Variants in RAD51AP2 observed in about 807,000 individuals in gnomAD.
RAD51AP2 encodes the protein RAD51 associated protein 2.
A neutral mutation model predicts 85.5 loss-of-function variants in RAD51AP2; 67 were observed. That is an observed-to-expected ratio of 0.78 (90% CI 0.64 to 0.96). RAD51AP2 has a LOEUF of 0.96. Ranked by LOEUF, RAD51AP2 falls within the 40% of genes least tolerant of loss-of-function variation. RAD51AP2 has a pLI of 0.00. For missense variants in RAD51AP2, 1,307 were observed against 1,332.4 expected, an observed-to-expected ratio of 0.98 and a Z score of 0.30; for synonymous variants, 474 against 446.5, an observed-to-expected ratio of 1.06 and a Z score of -0.78.
At chr2:17,535,134 G>T in the RAD51AP2 span, among the ~76,000 whole-genome samples, 2 of 152,176 alleles carry the variant, frequency 1.3e-5, no homozygotes, top group Admixed American at 1.3e-4. Context: ...GGTAGGAAAA[G>T]ATTCTTCTGC....
chr2:17,515,103 G>T, intron 1 of RAD51AP2, 66 bp downstream of exon 1: 1 of 1,264,804 alleles, frequency 7.9e-7, no homozygotes, highest in Non-Finnish European at 1.1e-6. Flanking sequence ...TATACATTTG[G>T]CCTACACAGA....
chr2:17,536,940 G>A, the RAD51AP2 span, among the ~76,000 whole-genome samples: 40 of 152,110 alleles, frequency 2.6e-4, no homozygotes, highest in Non-Finnish European at 4.0e-4. Flanking sequence ...TTGTAGGGCT[G>A]TATTCTAAGA....
the RAD51AP2 span, among the ~76,000 whole-genome samples, chr2:17,532,218 C>A: frequency 6.6e-6 from 1 of 152,190 alleles, no homozygotes; most frequent in East Asian, 1.9e-4. Context: ...CTTAAAACAA[C>A]AAAAATGTAT....
In RAD51AP2 at chr2:17,517,640, A is replaced by C; in HGVS notation, c.776T>G (p.Val259Gly). 1 of 1,614,066 alleles carries C rather than the reference A, an allele frequency of 6.2e-7. No homozygotes were observed. Among genetic ancestry groups the C allele is most frequent in the Non-Finnish European group, 8.5e-7 (1 of 1,179,984 alleles). Residue 259 changes from valine to glycine, a missense_variant, in exon 1 of 3, where the codon GTC becomes GGC. By Grantham distance (109) the Val-to-Gly change is moderately radical (BLOSUM62 -3). Transcript: ENST00000399080. ...SYFRDSGTIS[V>G]PQFPMDLNSK... ...ATTTAAGTCCATTGGAAACTGAGGG[A>C]CACTTATTGTGCCGCTATCTCTAAA...
At position 17,517,733 on chromosome 2, in the gene RAD51AP2, G is replaced by T. The variant is rs772481282; in HGVS notation, c.683C>A (p.Ser228Ter). 5 of 1,613,512 alleles carry T rather than the reference G, an allele frequency of 3.1e-6. No individual in the cohort carries two copies. The highest frequency in any genetic ancestry group is 4.2e-6 in the Non-Finnish European group (5 of 1,179,836). Reference sequence around the variant, plus strand: ...TTTTGATATTTTTAGTACAGATGATGAAATGTTATTTTCTCTTTTATTTGA... The same window carrying T: ...TTTTGATATTTTTAGTACAGATGATTAAATGTTATTTTCTCTTTTATTTGA... ...VPSNKRENNI[S>*]SSVLKISKSQ... Residue 228 changes from serine to a stop codon, truncating the protein, a stop_gained, in exon 1 of 3, where the codon TCA (serine) becomes TAA (stop). Coordinates refer to ENST00000399080, the MANE Select transcript of RAD51AP2 (RefSeq NM_001099218.3). LOFTEE classifies it high-confidence loss of function.
chr2:17,524,058 C>T, the RAD51AP2 span, among the ~76,000 whole-genome samples: 1 of 151,884 alleles, frequency 6.6e-6, no homozygotes, highest in Non-Finnish European at 1.5e-5. Flanking sequence ...TGCATTCTAA[C>T]AAGAAATATG....
At chr2:17,521,662 A>C (rs1662859377), upstream of RAD51AP2, among the ~76,000 whole-genome samples, 1 of 152,058 alleles carries the variant, frequency 6.6e-6, no homozygotes. Flanking sequence ...AAATCAGGAT[A>C]CTGTGTACAT....
upstream of RAD51AP2, among the ~76,000 whole-genome samples, chr2:17,519,236 T>C (rs1662801887): frequency 1.3e-5 from 2 of 151,964 alleles, 1 homozygote; most frequent in South Asian, 4.1e-4. Flanking sequence ...GACTCATACC[T>C]ACTAACAAAT....
At chr2:17,529,691 C>T in the RAD51AP2 span, among the ~76,000 whole-genome samples, 1 of 152,116 alleles carries the variant, frequency 6.6e-6, no homozygotes, top group Non-Finnish European at 1.5e-5. Context: ...CATATTAAGA[C>T]TACTAAAAAT....
chr2:17,537,283 C>T, the RAD51AP2 span, among the ~76,000 whole-genome samples: 1 of 151,946 alleles, frequency 6.6e-6, no homozygotes, highest in African/African-American at 2.4e-5. Flanking sequence ...GATCCTGCCA[C>T]TGCACTCCAG....
At position 17,517,788 on chromosome 2, in the gene RAD51AP2, T is replaced by C. The variant is rs1204772980; in HGVS notation, c.628A>G (p.Asn210Asp). Residue 210 changes from asparagine to aspartate, a missense_variant, in exon 1 of 3, where the codon AAC becomes GAC. Asn to Asp is a conservative substitution (Grantham distance 23). This residue lies in a region of RAD51AP2 where 635 missense variants were observed against 643.6 expected (regional missense o/e 0.99). Coordinates refer to ENST00000399080, the MANE Select transcript of RAD51AP2 (RefSeq NM_001099218.3). ...ETKSPFHEIK[N>D]RCKANSVVPS... ...ACAACACTGTTAGCTTTACATCTGT[T>C]CTTAATTTCATGAAATGGTGATTTA... is the stretch of plus-strand genomic sequence containing the variant. 4 of 1,614,106 alleles carry C rather than the reference T, an allele frequency of 2.5e-6. No homozygotes were observed. The highest frequency in any genetic ancestry group is 3.4e-6 in the Non-Finnish European group (4 of 1,179,940).
At chr2:17,530,859 T>C in the RAD51AP2 span, among the ~76,000 whole-genome samples, 1 of 152,182 alleles carries the variant, frequency 6.6e-6, no homozygotes, top group African/African-American at 2.4e-5. Flanking sequence ...TTTTAGTTCA[T>C]TTAAAATGGT....
the RAD51AP2 span, among the ~76,000 whole-genome samples, chr2:17,523,930 G>C: frequency 6.6e-6 from 1 of 151,874 alleles, no homozygotes; most frequent in Admixed American, 6.6e-5. Flanking sequence ...AGTGGATGCT[G>C]TCATGTGATG....
chr2:17,522,410 A>G (rs1662876972), upstream of RAD51AP2, among the ~76,000 whole-genome samples: 1 of 152,042 alleles, frequency 6.6e-6, no homozygotes, highest in South Asian at 2.1e-4. Flanking sequence ...GTTTACAGTC[A>G]TCTTTAGACC....
chr2:17,514,240 T>G, intron 1 of RAD51AP2, 148 bp from the exon 2 acceptor site: 1 of 755,366 alleles, frequency 1.3e-6, no homozygotes, highest in Non-Finnish European at 2.3e-6. Context: ...AGCTCCTTTT[T>G]AAAATTAACT....
chr2:17,518,287 A>G lies in RAD51AP2; in HGVS notation c.129T>C (p.Gly43=). 2 of 1,613,866 alleles carry G rather than the reference A, an allele frequency of 1.2e-6. No homozygotes were observed. The highest frequency in any genetic ancestry group is 1.7e-6 in the Non-Finnish European group (2 of 1,179,982). Residue 43 remains glycine (G), a synonymous_variant, in exon 1 of 3, where the codon GGT becomes GGC. Transcript: ENST00000399080. ...SKRLCLEEPG[G]VFKAGWRLPL... Reference sequence around the variant, plus strand: ...GCAGTCGCCAGCCCGCCTTAAAGACACCTCCAGGCTCCTCAAGACAGAGCC... The same window carrying G: ...GCAGTCGCCAGCCCGCCTTAAAGACGCCTCCAGGCTCCTCAAGACAGAGCC...
At chr2:17,520,626 C>T (rs895340171), upstream of RAD51AP2, among the ~76,000 whole-genome samples, 1 of 152,054 alleles carries the variant, frequency 6.6e-6, no homozygotes, top group African/African-American at 2.4e-5. Context: ...AAACCCCATA[C>T]TGAAGATATG....
upstream of RAD51AP2, among the ~76,000 whole-genome samples, chr2:17,520,963 G>T (rs1662844137): frequency 1.3e-5 from 2 of 151,980 alleles, no homozygotes; most frequent in Admixed American, 1.3e-4. Context: ...AGAATTACTT[G>T]CATCGTCATC....
In RAD51AP2 at chr2:17,516,198, G is replaced by T; in HGVS notation, c.2218C>A (p.Gln740Lys). ...TVKAHGNSCP[Q>K]FIQNNRGYIN... ...TATCCTCGGTTGTTCTGTATAAATT[G>T]AGGACAAGAATTACCATGTGCTTTA... The change falls in exon 1 of 3, where the codon CAA (glutamine) becomes AAA (lysine). Residue 740 changes from glutamine (Q) to lysine (K), a missense_variant. Around this residue, in one of 3 missense-constraint regions of RAD51AP2, gnomAD observed 668 missense variants for 671.0 expected, o/e 1.00. Coordinates refer to ENST00000399080, the MANE Select transcript of RAD51AP2 (RefSeq NM_001099218.3). The T allele has an allele frequency of 6.2e-7, 1 of 1,613,230 alleles. No individual in the cohort carries two copies. Among genetic ancestry groups the T allele is most frequent in the Non-Finnish European group, 8.5e-7 (1 of 1,179,654 alleles).
Sources: allele counts gnomAD v4.1 joint callset (sites outside exome capture counted in the v4.1 genomes callset), GRCh38; gene constraint gnomAD v4.1.1; regional missense constraint gnomAD v4.1.1; transcripts MANE v1.5; gene names NCBI Gene and HGNC (gene_info 2026-07-23, HGNC 2026-07-21).